ATF6: variants seen among roughly 807,000 people sequenced by gnomAD.
The protein encoded by ATF6 is cyclic AMP-dependent transcription factor ATF-6 alpha.
A neutral mutation model predicts 83.6 loss-of-function variants in ATF6; 53 were observed. The observed-to-expected ratio is 0.63, with a 90% CI of 0.51 to 0.80. ATF6 has a LOEUF of 0.80. ATF6 is among the 30% of genes least tolerant of loss of function. The pLI is 0.00. For synonymous variants in ATF6, 288 were observed against 285.8 expected (o/e 1.01, Z -0.08); for missense variants, 744 against 797.9 (o/e 0.93, Z 0.81).
intron 14 of ATF6, among the ~76,000 whole-genome samples, chr1:161,867,743 T>C (rs909762040): frequency 6.6e-6 from 1 of 152,228 alleles, no homozygotes; most frequent in Admixed American, 6.5e-5. Flanking sequence ...CTGTCTCAAA[T>C]TGTAAGTAAA....
At position 161,962,437 on chromosome 1, in the gene ATF6, A is replaced by G. The variant is rs1689120649; in HGVS notation, c.*3783A>G. The G allele has an allele frequency of 6.6e-6, 1 of 151,794 alleles. No individual in the cohort carries two copies. Among genetic ancestry groups the G allele is most frequent in the African/African-American group, 2.4e-5 (1 of 41,258 alleles). 9.4% of individuals were successfully genotyped at this position (151,794 alleles called of 1,614,324 possible). On this transcript the variant is annotated 3_prime_UTR_variant, in exon 16 of 16. Coordinates refer to ENST00000367942, the MANE Select transcript of ATF6 (RefSeq NM_007348.4). Reference sequence around the variant, plus strand: ...CATTTAGCATCGTTAAAACTGGAAAACTCTCAAGCTCTTTGCCACTTTCCT... The same window carrying G: ...CATTTAGCATCGTTAAAACTGGAAAGCTCTCAAGCTCTTTGCCACTTTCCT...
At chr1:161,950,998 C>T (rs1013187025) in intron 15 of ATF6, among the ~76,000 whole-genome samples, 1 of 152,208 alleles carries the variant, frequency 6.6e-6, no homozygotes, top group African/African-American at 2.4e-5. Flanking sequence ...CAGTGAAAAG[C>T]AAATCTAATA....
intron 7 of ATF6, among the ~76,000 whole-genome samples, chr1:161,813,240 A>G (rs1282755685): frequency 6.6e-6 from 1 of 152,204 alleles, no homozygotes; most frequent in Non-Finnish European, 1.5e-5. Context: ...GATAGTTTTA[A>G]GTCATGAGGG....
At chr1:161,810,176 A>T (rs933977701) in intron 7 of ATF6, among the ~76,000 whole-genome samples, 7 of 152,206 alleles carry the variant, frequency 4.6e-5, no homozygotes, top group Admixed American at 1.3e-4. Flanking sequence ...GAAATACCTG[A>T]AACTGAGTGA....
chr1:161,880,328 ATGTGTGTG>A (rs138587790), intron 14 of ATF6, among the ~76,000 whole-genome samples: 2 of 147,920 alleles, frequency 1.4e-5, no homozygotes, highest in South Asian at 2.2e-4. Flanking sequence ...TGTGATATGT[ATGTGTGTG>A]TGTGTGTGTG....
At chr1:161,913,637 G>A (rs777725950) in intron 15 of ATF6, among the ~76,000 whole-genome samples, 70 of 152,262 alleles carry the variant, frequency 4.6e-4, no homozygotes, top group Non-Finnish European at 9.1e-4. Flanking sequence ...TCTTTCTTCA[G>A]TAAAGACATA....
intron 10 of ATF6, among the ~76,000 whole-genome samples, chr1:161,851,274 A>ACACACACACACC (rs1264016372): frequency 2.1e-5 from 3 of 144,132 alleles, no homozygotes; most frequent in Non-Finnish European, 4.5e-5. Flanking sequence ...ACACACACAC[A>ACACACACACACC]CCCCTACCTG....
rs377244876 is a variant in ATF6, at chr1:161,788,403, AGTT to A, written c.355-2999_355-2997del. ...CTGTCCTTTGCCAGTTTTTCTACTC[AGTT>A]GTTGTCTTCTTGTTTATCAGCAGGA... On this transcript the variant is annotated intron_variant, in intron 4 of 15. Transcript: ENST00000367942. Among the ~76,000 whole-genome samples the A allele has an allele frequency of 2.3e-3, 353 of 151,446 alleles. 1 individual carries two copies. Among genetic ancestry groups the A allele is most frequent in the Non-Finnish European group, 4.2e-3 (284 of 67,770 alleles).
chr1:161,934,718 C>T (rs1571247296), intron 15 of ATF6, among the ~76,000 whole-genome samples: 2 of 152,156 alleles, frequency 1.3e-5, no homozygotes, highest in African/African-American at 4.8e-5. Context: ...GTTTTCATGG[C>T]ACTTAGCATG....
intron 15 of ATF6, among the ~76,000 whole-genome samples, chr1:161,927,045 A>G (rs1688328952): frequency 6.6e-6 from 1 of 152,168 alleles, no homozygotes; most frequent in South Asian, 2.1e-4. Context: ...TACAGGTTTC[A>G]AAAGAAGACT....
intron 14 of ATF6, among the ~76,000 whole-genome samples, chr1:161,908,745 G>A (rs1161421691): frequency 6.6e-6 from 1 of 152,042 alleles, no homozygotes; most frequent in Admixed American, 6.5e-5. Flanking sequence ...TCTTTCTATG[G>A]CAACATTCTT....
Position 161,791,272 on chromosome 1 carries a change from T to G in ATF6, c.355-136T>G, listed in dbSNP as rs12047724. The G allele has an allele frequency of 0.1, 56,910 of 563,754 alleles. 4,843 individuals are homozygous for G. Among genetic ancestry groups the G allele is most frequent in the East Asian group, 0.33 (9,341 of 28,288 alleles). The allele number at this position is 563,754 out of a possible 1,614,324, so 34.9% of individuals were successfully genotyped here. A position where few individuals can be genotyped will look rare whatever the true frequency, so the allele number is the denominator to read the frequency against. On this transcript the variant is annotated intron_variant, in intron 4 of 15. Coordinates refer to ENST00000367942, the MANE Select transcript of ATF6 (RefSeq NM_007348.4). ...ATAGTCACTTATTACTTAATATATA[T>G]ATACAGTTTCTAATATACCTTTCCT...
intron 14 of ATF6, among the ~76,000 whole-genome samples, chr1:161,875,613 G>A (rs1001333383): frequency 5.9e-5 from 9 of 151,918 alleles, no homozygotes; most frequent in African/African-American, 1.9e-4. Context: ...TCAAAAATAT[G>A]TCAGTTTTCC....
chr1:161,780,759 G>C (rs1004285261), intron 2 of ATF6, among the ~76,000 whole-genome samples: 2 of 152,114 alleles, frequency 1.3e-5, no homozygotes, highest in Non-Finnish European at 2.9e-5. Flanking sequence ...TCCCAGGATG[G>C]AGTGCAGTGG....
chr1:161,953,105 T>G (rs1174176145), intron 15 of ATF6, among the ~76,000 whole-genome samples: 1 of 152,200 alleles, frequency 6.6e-6, no homozygotes, highest in Non-Finnish European at 1.5e-5. Flanking sequence ...CACTAAGTGT[T>G]TCTTAAGTAA....
intron 9 of ATF6, among the ~76,000 whole-genome samples, chr1:161,839,572 T>C (rs1480091840): frequency 6.6e-6 from 1 of 152,104 alleles, no homozygotes; most frequent in Non-Finnish European, 1.5e-5. Flanking sequence ...GAGGTTTCAC[T>C]GTGTTGCCCA....
rs141420481 is a variant in ATF6 at position 161,819,793 on chromosome 1, G to A, written c.1070G>A (p.Arg357Gln). ...QLKKENGTLK[R>Q]QLDEVVSENQ... ...AAGAAAGAAAATGGAACACTGAAGC[G>A]GCAGCTGGATGAAGTTGTGTCAGAG... The change falls in exon 8 of 16, where the codon CGG (arginine) becomes CAG (glutamine). Residue 357 changes from arginine to glutamine, a missense_variant. By Grantham distance (43) the Arg-to-Gln change is conservative. Transcript: ENST00000367942. 2.2e-5 allele frequency: 35 copies of A among 1,608,878 alleles called. No homozygotes were observed. The highest frequency in any genetic ancestry group is 2.7e-5 in the Non-Finnish European group (32 of 1,177,742).
At chr1:161,796,048 C>G (rs904577443) in intron 6 of ATF6, among the ~76,000 whole-genome samples, 1 of 152,120 alleles carries the variant, frequency 6.6e-6, no homozygotes, top group East Asian at 1.9e-4. Context: ...TGGTAGGACT[C>G]AAGCCACATT....
chr1:161,952,023 T>C (rs1241233689), intron 15 of ATF6, among the ~76,000 whole-genome samples: 4 of 152,188 alleles, frequency 2.6e-5, no homozygotes, highest in African/African-American at 9.7e-5. Flanking sequence ...AGGTTACAAA[T>C]TGAGTGTGGT....
Sources: gnomAD v4.1 joint callset for allele counts (sites outside exome capture counted in the v4.1 genomes callset) on GRCh38, gnomAD v4.1.1 for gene constraint, MANE v1.5 for transcripts, NCBI Gene and HGNC (gene_info 2026-07-23, HGNC 2026-07-21) for gene names.